Variants in ATXN1 observed in about 807,000 individuals in gnomAD.
ATXN1 encodes ataxin 1.
ATXN1 carries 8 observed loss-of-function variants against 56.4 expected under a neutral mutation model. That is an observed-to-expected ratio of 0.14 (90% CI 0.08 to 0.26). The LOEUF (loss-of-function observed/expected upper bound fraction) is 0.26. ATXN1 is among the 10% of genes least tolerant of loss of function. The pLI is 1.00. For missense variants in ATXN1, 987 were observed against 1,106.5 expected, an observed-to-expected ratio of 0.89 and a Z score of 1.53; for synonymous variants, 514 against 494.6, an observed-to-expected ratio of 1.04 and a Z score of -0.52.
In ATXN1 at chr6:16,714,181, C is replaced by CCACACACACACACACACA. The variant is rs70999343; in HGVS notation, c.-615+39034_-615+39051dup. Among the ~76,000 whole-genome samples, 5 of 137,648 alleles carry CCACACACACACACACACA rather than the reference C, an allele frequency of 3.6e-5. No homozygotes were observed. In the South Asian group the frequency reaches 7.0e-4, roughly 19 times the overall value. The allele number at this position is 137,648 out of a possible 152,430, so 90.3% of individuals were successfully genotyped here. A position where few individuals can be genotyped will look rare whatever the true frequency, so the allele number is the denominator to read the frequency against. On this transcript the variant is annotated intron_variant, in intron 2 of 7. Transcript: ENST00000436367. Reference sequence around the variant, plus strand: ...AAAGAAAGAAAAAAAAAACCACACACCACACACACACACACACACACACAC... The same window carrying CCACACACACACACACACA: ...AAAGAAAGAAAAAAAAAACCACACACCACACACACACACACACACACACACACACACACACACACACAC...
intron 6 of ATXN1, among the ~76,000 whole-genome samples, chr6:16,475,871 C>CT (rs56262935): frequency 0.028 from 3,928 of 139,138 alleles, 82 homozygotes; most frequent in Admixed American, 0.074. Context: ...TTAGTCATTA[C>CT]TTTTTTTTTT....
intron 3 of ATXN1, among the ~76,000 whole-genome samples, chr6:16,633,291 A>T (rs1763538393): frequency 6.6e-6 from 1 of 152,242 alleles, no homozygotes; most frequent in Admixed American, 6.5e-5. Flanking sequence ...ATTATAAACA[A>T]GGTAATTAAT....
intron 5 of ATXN1, among the ~76,000 whole-genome samples, chr6:16,489,741 T>A (rs1760622358): frequency 6.6e-6 from 1 of 152,040 alleles, no homozygotes. Flanking sequence ...TGGCTTGAGC[T>A]CAGGAGTTCA....
At chr6:16,493,204 G>A (rs1425050344) in intron 5 of ATXN1, among the ~76,000 whole-genome samples, 4 of 152,038 alleles carry the variant, frequency 2.6e-5, no homozygotes, top group African/African-American at 7.2e-5. Flanking sequence ...GAACATCTTC[G>A]AAATTCTTTA....
At chr6:16,334,178 T>C (rs555674246) in intron 6 of ATXN1, among the ~76,000 whole-genome samples, 1 of 152,308 alleles carries the variant, frequency 6.6e-6, no homozygotes, top group East Asian at 1.9e-4. Flanking sequence ...AGAAGGGATA[T>C]ATGTTGCGAA....
chr6:16,434,069 A>G (rs1759340799), intron 6 of ATXN1, among the ~76,000 whole-genome samples: 1 of 152,186 alleles, frequency 6.6e-6, no homozygotes. Flanking sequence ...CATTTTCCAA[A>G]AGCCTTCGGA....
At chr6:16,403,397 T>C (rs1451712165) in intron 6 of ATXN1, among the ~76,000 whole-genome samples, 5 of 152,184 alleles carry the variant, frequency 3.3e-5, no homozygotes, top group Admixed American at 1.3e-4. Context: ...GTCACTCAGG[T>C]TGGAGTGCAG....
intron 6 of ATXN1, among the ~76,000 whole-genome samples, chr6:16,338,719 T>C (rs193187238): frequency 2.4e-4 from 37 of 152,266 alleles, no homozygotes; most frequent in African/African-American, 7.7e-4. Context: ...CACTTATCTG[T>C]TGCTCATCTC....
intron 4 of ATXN1, among the ~76,000 whole-genome samples, chr6:16,546,112 C>T (rs1042510166): frequency 5.9e-5 from 9 of 152,166 alleles, no homozygotes; most frequent in Middle Eastern, 6.8e-3. Flanking sequence ...AGTAGGAGGG[C>T]GATGGGAAGA....
intron 2 of ATXN1, among the ~76,000 whole-genome samples, chr6:16,687,150 T>C (rs973132414): frequency 5.3e-5 from 8 of 152,204 alleles, no homozygotes; most frequent in Non-Finnish European, 8.8e-5. Context: ...AAATGCTCAA[T>C]TGAAAGTACC....
At chr6:16,749,226 G>A (rs1171992893) in intron 2 of ATXN1, among the ~76,000 whole-genome samples, 2 of 152,154 alleles carry the variant, frequency 1.3e-5, no homozygotes, top group African/African-American at 4.8e-5. Context: ...TGCCACAAAT[G>A]AACAATTGCT....
Position 16,328,522 on chromosome 6 carries a change from G to C in ATXN1, c.-160-52C>G. 1 of 860,356 alleles carries C rather than the reference G, an allele frequency of 1.2e-6. No individual in the cohort carries two copies. The highest frequency in any genetic ancestry group is 1.6e-6 in the Non-Finnish European group (1 of 631,610). The allele number at this position is 860,356 out of a possible 1,614,324, so 53.3% of individuals were successfully genotyped here. Reference sequence around the variant, plus strand: ...AAGGGAAAAGGAAAGGGAGGAGAAAGGGAAGGAGGGAAAGGACATCAGAAC... The same window carrying C: ...AAGGGAAAAGGAAAGGGAGGAGAAACGGAAGGAGGGAAAGGACATCAGAAC... On this transcript the variant is annotated intron_variant, in intron 6 of 7. Transcript: ENST00000436367. The surrounding 1 kb of genome is among the most constrained non-coding windows in gnomAD (Gnocchi z 6.2).
Position 16,300,335 on chromosome 6 carries a change from G to A in ATXN1, c.*5994C>T, listed in dbSNP as rs985307774. ...GAACCATTTGTATGCAAGTCATGGG[G>A]ACATGAAAAACTGAAGCCGGTGTTC... is the stretch of plus-strand genomic sequence containing the variant. On this transcript the variant is annotated 3_prime_UTR_variant, in exon 8 of 8. Coordinates refer to ENST00000436367, the MANE Select transcript of ATXN1 (RefSeq NM_001128164.2). 1 of 152,612 alleles carries A rather than the reference G, an allele frequency of 6.6e-6. No homozygotes were observed. The highest frequency in any genetic ancestry group is 2.4e-5 in the African/African-American group (1 of 41,434). 9.5% of individuals were successfully genotyped at this position (152,612 alleles called of 1,614,324 possible).
chr6:16,474,864 A>ACTCT (rs33939841), intron 6 of ATXN1, among the ~76,000 whole-genome samples: 164 of 149,048 alleles, frequency 1.1e-3, no homozygotes, highest in East Asian at 4.6e-3. Flanking sequence ...ACACACACAC[A>ACTCT]CTCTCTCTCT....
intron 6 of ATXN1, among the ~76,000 whole-genome samples, chr6:16,458,265 T>G (rs1349490862): frequency 6.6e-6 from 1 of 152,186 alleles, no homozygotes; most frequent in Non-Finnish European, 1.5e-5. Context: ...AAACATCTGT[T>G]GACCTGTATT....
chr6:16,395,431 G>A (rs1758435984), intron 6 of ATXN1, among the ~76,000 whole-genome samples: 1 of 152,100 alleles, frequency 6.6e-6, no homozygotes, highest in Non-Finnish European at 1.5e-5. Flanking sequence ...GTCAGCCGCG[G>A]ATTGCATATG....
At chr6:16,594,984 A>C (rs1279885937) in intron 3 of ATXN1, among the ~76,000 whole-genome samples, 2 of 152,194 alleles carry the variant, frequency 1.3e-5, no homozygotes, top group Non-Finnish European at 2.9e-5. Context: ...ACTCCCCATG[A>C]CCTTCTTTCC....
chr6:16,554,583 C>T (rs1361946025), intron 4 of ATXN1, among the ~76,000 whole-genome samples: 1 of 152,218 alleles, frequency 6.6e-6, no homozygotes, highest in Non-Finnish European at 1.5e-5. Context: ...TCCTGAGTAG[C>T]TGAGATTACA....
rs562130977 is a variant in ATXN1, at chr6:16,539,862, AC to A, written c.-360-17175del. On this transcript the variant is annotated intron_variant, in intron 4 of 7. Transcript: ENST00000436367. The stretch of plus-strand genomic sequence containing the variant: ...CCTGCATGCATCAGAAACAAATTAC[AC>A]CCTTAGAGGCAGATGACACACCGAA... 7.2e-5 allele frequency among the ~76,000 whole-genome samples: 11 copies of A among 152,132 alleles called. No homozygotes were observed. In the South Asian group the frequency reaches 2.3e-3, roughly 32 times the overall value.
Sources: allele counts gnomAD v4.1 joint callset (sites outside exome capture counted in the v4.1 genomes callset), GRCh38; gene constraint gnomAD v4.1.1; non-coding constraint Gnocchi (gnomAD v3.1); transcripts MANE v1.5; gene names NCBI Gene and HGNC (gene_info 2026-07-23, HGNC 2026-07-21).